GPHN: variants seen among roughly 807,000 people sequenced by gnomAD.
The protein encoded by GPHN is gephyrin.
A neutral mutation model predicts 95.5 loss-of-function variants in GPHN; 17 were observed. The ratio of observed to expected loss-of-function variants is 0.18; its 90% CI spans 0.12 to 0.27. GPHN has a LOEUF of 0.27. GPHN is among the 10% of genes least tolerant of loss of function. The pLI is 1.00. For synonymous variants in GPHN, 320 were observed against 322.5 expected (o/e 0.99, Z 0.08); for missense variants, 660 against 978.1 (o/e 0.67, Z 4.34).
chr14:66,927,106 T>A (rs990628334), intron 8 of GPHN, among the ~76,000 whole-genome samples: 3 of 152,148 alleles, frequency 2.0e-5, no homozygotes, highest in African/African-American at 7.2e-5. Flanking sequence ...GTAAGCACTT[T>A]GGGAGGCTGA....
At chr14:66,942,528 A>T (rs1304601880) in intron 8 of GPHN, among the ~76,000 whole-genome samples, 1 of 152,228 alleles carries the variant, frequency 6.6e-6, no homozygotes, top group Non-Finnish European at 1.5e-5. Flanking sequence ...TGTCCAGGGT[A>T]GTTACAGTTA....
At chr14:67,323,261 G>GTGTGTGTGTA in the GPHN span, among the ~76,000 whole-genome samples, 328 of 124,166 alleles carry the variant, frequency 2.6e-3, 1 homozygote, top group Admixed American at 8.8e-3. Context: ...GTGTGTGTGT[G>GTGTGTGTGTA]TATATATATA....
At chr14:67,561,225 C>T in the GPHN span, among the ~76,000 whole-genome samples, 1 of 152,128 alleles carries the variant, frequency 6.6e-6, no homozygotes, top group African/African-American at 2.4e-5. Flanking sequence ...CTAAAAGATA[C>T]TCAATAAAAG....
the GPHN span, chr14:67,383,654 G>A: frequency 1.8e-6 from 1 of 540,866 alleles, no homozygotes; most frequent in Non-Finnish European, 3.2e-6. Flanking sequence ...CATTTTTAAG[G>A]GAGTGGCCTC....
chr14:67,545,434 G>C, the GPHN span, among the ~76,000 whole-genome samples: 1 of 152,062 alleles, frequency 6.6e-6, no homozygotes, highest in East Asian at 1.9e-4. Flanking sequence ...TAATAGGAGG[G>C]ATAACAAATA....
At chr14:67,447,773 C>CCT in the GPHN span, 1 of 152,170 alleles carries the variant, frequency 6.6e-6, no homozygotes, top group Admixed American at 6.5e-5. Context: ...GATGATATGT[C>CCT]CTAGCCTGCC....
chr14:66,553,373 A>G lies in GPHN; in HGVS notation c.64+44782A>G, dbSNP rs570385256. On this transcript the variant is annotated intron_variant, in intron 1 of 22. Transcript: ENST00000478722. ...TTTTAAAATATTCTGCCCCAGTCTC[A>G]CTCTTTTCTCCTCTAGGATCACAGT... Among the ~76,000 whole-genome samples, 297 of 151,770 alleles carry G rather than the reference A, an allele frequency of 2.0e-3. 2 individuals are homozygous for G. Among genetic ancestry groups the G allele is most frequent in the Admixed American group, 3.1e-3 (48 of 15,242 alleles).
At chr14:66,873,607 A>T (rs956088689) in intron 4 of GPHN, among the ~76,000 whole-genome samples, 8 of 152,244 alleles carry the variant, frequency 5.3e-5, no homozygotes, top group Admixed American at 5.2e-4. Context: ...CTGACGCTTG[A>T]GTGGGCAGTT....
At chr14:67,724,008 G>A in the GPHN span, among the ~76,000 whole-genome samples, 140 of 152,350 alleles carry the variant, frequency 9.2e-4, 1 homozygote, top group South Asian at 0.028. Context: ...AGAGTGCTAA[G>A]AGCAGTACCT....
At chr14:66,530,589 C>A (rs1402507848) in intron 1 of GPHN, among the ~76,000 whole-genome samples, 1 of 152,182 alleles carries the variant, frequency 6.6e-6, no homozygotes, top group Non-Finnish European at 1.5e-5. Flanking sequence ...CCTGGTGGCA[C>A]AGGCACCAGA....
Position 66,592,771 on chromosome 14 carries a change from C to T in GPHN, c.64+84180C>T, listed in dbSNP as rs10013212. Among the ~76,000 whole-genome samples the T allele has an allele frequency of 9.4e-3, 1,435 of 152,316 alleles. 31 individuals are homozygous for T. Among genetic ancestry groups the T allele is most frequent in the African/African-American group, 0.034 (1,396 of 41,576 alleles). On this transcript the variant is annotated intron_variant, in intron 1 of 22. Transcript: ENST00000478722. ...CCTCAAGGATCTAGAACCAGAAATA[C>T]CACTTGACCCAGCAGTCCCATTACT...
chr14:67,713,397 CAAAAAAAAAAAAAAAA>C, the GPHN span, among the ~76,000 whole-genome samples: 1 of 47,630 alleles, frequency 2.1e-5, no homozygotes, highest in Non-Finnish European at 4.1e-5. Context: ...AGTAAAACTC[CAAAAAAAAAAAAAAAA>C]AAAAAAAAAA....
intron 1 of GPHN, among the ~76,000 whole-genome samples, chr14:66,590,689 G>C (rs908874731): frequency 1.3e-5 from 2 of 152,020 alleles, no homozygotes; most frequent in African/African-American, 4.8e-5. Flanking sequence ...AAATACCCAG[G>C]ACCAGACAGA....
the GPHN span, among the ~76,000 whole-genome samples, chr14:67,441,216 C>G: frequency 3.9e-5 from 6 of 152,184 alleles, no homozygotes; most frequent in Non-Finnish European, 7.4e-5. Context: ...TCGTGCTTCT[C>G]TGGCTTAGAG....
At chr14:67,694,128 TG>T in the GPHN span, among the ~76,000 whole-genome samples, 9 of 152,168 alleles carry the variant, frequency 5.9e-5, no homozygotes, top group Admixed American at 5.9e-4. Flanking sequence ...CCTTTTTCAT[TG>T]AACTTGGAAT....
At chr14:67,382,626 G>C in the GPHN span, 1 of 1,611,972 alleles carries the variant, frequency 6.2e-7, no homozygotes, top group Middle Eastern at 1.7e-4. Flanking sequence ...TAATGACTCA[G>C]GAGGTTCCTA....
chr14:67,009,731 A>G (rs1204888371), intron 9 of GPHN, among the ~76,000 whole-genome samples: 2 of 152,066 alleles, frequency 1.3e-5, no homozygotes, highest in Non-Finnish European at 2.9e-5. Context: ...TTTTGATCAA[A>G]TGGCATTTTC....
chr14:67,237,878 G>C, the GPHN span, among the ~76,000 whole-genome samples: 4 of 152,004 alleles, frequency 2.6e-5, no homozygotes, highest in South Asian at 6.2e-4. Flanking sequence ...CTGACAGGGG[G>C]GTTTAAACCA....
At chr14:67,565,000 A>C in the GPHN span, among the ~76,000 whole-genome samples, 1 of 152,090 alleles carries the variant, frequency 6.6e-6, no homozygotes, top group Non-Finnish European at 1.5e-5. Flanking sequence ...CCTGTACCTG[A>C]CATTTTCCAT....
Sources: allele counts gnomAD v4.1 joint callset (sites outside exome capture counted in the v4.1 genomes callset), GRCh38; gene constraint gnomAD v4.1.1; transcripts MANE v1.5; gene names NCBI Gene and HGNC (gene_info 2026-07-23, HGNC 2026-07-21).